Variants in ITPR1 observed in about 807,000 individuals in gnomAD.
ITPR1 encodes inositol 1,4,5-trisphosphate receptor type 1.
Under a neutral mutation model 318.4 loss-of-function variants are expected in ITPR1, and 96 were observed. That is an observed-to-expected ratio of 0.30 (90% CI 0.26 to 0.36). ITPR1 has a LOEUF of 0.36. Ranked by LOEUF, ITPR1 falls within the 10% of genes least tolerant of loss-of-function variation. The pLI is 1.00. For synonymous variants in ITPR1, 1,312 were observed against 1,289.9 expected (o/e 1.02, Z -0.37); for missense variants, 2,440 against 3,460.2 (o/e 0.71, Z 7.40).
intron 38 of ITPR1, 198 bp from the exon 39 acceptor site, chr3:4,711,559 T>G: frequency 1.8e-6 from 1 of 551,560 alleles, no homozygotes; most frequent in Non-Finnish European, 3.2e-6. Flanking sequence ...TGCTGTGATT[T>G]ACCAGCAGGT....
chr3:4,705,908 C>G (rs931015107), intron 36 of ITPR1, among the ~76,000 whole-genome samples: 2 of 152,226 alleles, frequency 1.3e-5, no homozygotes, highest in Non-Finnish European at 2.9e-5. Context: ...AACTTTAACT[C>G]TGACATGCCC....
chr3:4,599,009 C>CTT (rs76398324), intron 4 of ITPR1, among the ~76,000 whole-genome samples: 10 of 141,754 alleles, frequency 7.1e-5, no homozygotes, highest in African/African-American at 2.3e-4. Flanking sequence ...TACTGATGAG[C>CTT]TTTTTTTTTT....
chr3:4,722,789 T>C (rs1278927201), intron 40 of ITPR1, among the ~76,000 whole-genome samples: 1 of 152,198 alleles, frequency 6.6e-6, no homozygotes, highest in African/African-American at 2.4e-5. Flanking sequence ...CAGCTAGATA[T>C]TGTGAAATGA....
chr3:4,656,878 C>G (rs2093721879), intron 12 of ITPR1, among the ~76,000 whole-genome samples: 1 of 152,210 alleles, frequency 6.6e-6, no homozygotes, highest in Non-Finnish European at 1.5e-5. Context: ...CATGGAAAAT[C>G]ACGCGATGTA....
chr3:4,518,534 A>G (rs1270384086), intron 3 of ITPR1, among the ~76,000 whole-genome samples: 1 of 151,534 alleles, frequency 6.6e-6, no homozygotes, highest in African/African-American at 2.4e-5. Flanking sequence ...AAGTTTGACA[A>G]CCCTTCCTGT....
At chr3:4,551,062 G>C (rs1311692761) in intron 4 of ITPR1, among the ~76,000 whole-genome samples, 1 of 152,198 alleles carries the variant, frequency 6.6e-6, no homozygotes, top group Non-Finnish European at 1.5e-5. Context: ...AGATGTAGCT[G>C]AAGTGCTCAT....
rs765478937 is a variant in ITPR1, at chr3:4,766,559, T to C, written c.5574T>C (p.Asp1858=). ...CCTTTTTCTGTCGCTTGACAGAAGA[T>C]AAGAAGTCAGAGAAATTCTTTAAGG... is the stretch of plus-strand genomic sequence containing the variant. The part of the protein sequence containing the change: ...QHSFFCRLTE[D]KKSEKFFKVF... The change falls in exon 45 of 62, where the codon GAT becomes GAC. Residue 1858 remains aspartate, a synonymous_variant. Transcript: ENST00000649015. 3 of 1,613,778 alleles carry C rather than the reference T, an allele frequency of 1.9e-6. No homozygotes were observed. Among genetic ancestry groups the C allele is most frequent in the African/African-American group, 1.3e-5 (1 of 74,936 alleles).
At chr3:4,546,713 A>G (rs1244647434) in intron 4 of ITPR1, among the ~76,000 whole-genome samples, 2 of 150,478 alleles carry the variant, frequency 1.3e-5, no homozygotes, top group Non-Finnish European at 3.0e-5. Flanking sequence ...GTGTAGGGTG[A>G]TGATTCAAAT....
intron 46 of ITPR1, among the ~76,000 whole-genome samples, chr3:4,771,347 C>T (rs560018265): frequency 6.6e-6 from 1 of 152,312 alleles, no homozygotes; most frequent in East Asian, 1.9e-4. Flanking sequence ...GCTTATGAAA[C>T]TCAAGACTGC....
intron 55 of ITPR1, among the ~76,000 whole-genome samples, chr3:4,807,473 C>T (rs2048654086): frequency 6.6e-6 from 1 of 152,156 alleles, no homozygotes; most frequent in African/African-American, 2.4e-5. Context: ...AGTGTATCTC[C>T]CTCACAGGGC....
chr3:4,612,205 G>A (rs2092166895), intron 4 of ITPR1, among the ~76,000 whole-genome samples: 1 of 151,748 alleles, frequency 6.6e-6, no homozygotes, highest in Non-Finnish European at 1.5e-5. Context: ...GGGATTACAG[G>A]CGCCCACCAC....
At chr3:4,669,072 A>G (rs2094015535) in intron 18 of ITPR1, among the ~76,000 whole-genome samples, 1 of 152,154 alleles carries the variant, frequency 6.6e-6, no homozygotes, top group South Asian at 2.1e-4. Context: ...AACACCTACT[A>G]CCACCCTTGA....
At chr3:4,823,720 C>G (rs1354776609) in intron 60 of ITPR1, among the ~76,000 whole-genome samples, 1 of 151,982 alleles carries the variant, frequency 6.6e-6, no homozygotes, top group Non-Finnish European at 1.5e-5. Flanking sequence ...GCACAAACAT[C>G]CAGTTAGGTA....
intron 60 of ITPR1, among the ~76,000 whole-genome samples, chr3:4,831,859 C>T (rs1012539674): frequency 6.6e-6 from 1 of 152,168 alleles, no homozygotes; most frequent in African/African-American, 2.4e-5. Flanking sequence ...CTCTCTGTGC[C>T]TATTCCAGTA....
At chr3:4,696,539 T>G (rs6442900) in intron 33 of ITPR1, among the ~76,000 whole-genome samples, 63,478 of 151,728 alleles carry the variant, frequency 0.42, 14,251 homozygotes, top group Non-Finnish European at 0.53. Context: ...TGTTTCCGCT[T>G]TTTGACTATT....
chr3:4,675,352 T>C, intron 23 of ITPR1, 104 bp downstream of exon 23: 1 of 791,734 alleles, frequency 1.3e-6, no homozygotes, highest in Non-Finnish European at 2.0e-6. Context: ...TCTTTGTTCA[T>C]TCCTTCCCAA....
intron 33 of ITPR1, among the ~76,000 whole-genome samples, chr3:4,696,288 C>T (rs1441092058): frequency 1.3e-5 from 2 of 152,200 alleles, no homozygotes; most frequent in African/African-American, 4.8e-5. Flanking sequence ...GCCAACCCCC[C>T]TAATCCTAGG....
chr3:4,694,226 C>T (rs2094522626), intron 33 of ITPR1, among the ~76,000 whole-genome samples: 1 of 149,944 alleles, frequency 6.7e-6, no homozygotes, highest in African/African-American at 2.4e-5. Flanking sequence ...TTAATCCTTC[C>T]AGGCTTCCTT....
chr3:4,608,818 G>A (rs2091878218), intron 4 of ITPR1, among the ~76,000 whole-genome samples: 1 of 151,342 alleles, frequency 6.6e-6, no homozygotes, highest in East Asian at 1.9e-4. Flanking sequence ...CCTGGCCAAT[G>A]TGGTGAAACC....
Sources: allele counts gnomAD v4.1 joint callset (sites outside exome capture counted in the v4.1 genomes callset), GRCh38; gene constraint gnomAD v4.1.1; transcripts MANE v1.5; gene names NCBI Gene and HGNC (gene_info 2026-07-23, HGNC 2026-07-21).